GABRB1: variants seen among roughly 807,000 people sequenced by gnomAD.
The protein encoded by GABRB1 is gamma-aminobutyric acid receptor subunit beta-1.
A neutral mutation model predicts 51.6 loss-of-function variants in GABRB1; 17 were observed. The observed-to-expected ratio is 0.33, with a 90% confidence interval of 0.23 to 0.49. The LOEUF is 0.49. Ranked by LOEUF, GABRB1 falls within the 20% of genes least tolerant of loss-of-function variation. The pLI is 0.99. For missense variants in GABRB1, 410 were observed against 600.6 expected (o/e 0.68, Z 3.32); for synonymous variants, 247 against 218.9 (o/e 1.13, Z -1.14).
At chr4:47,112,050 A>T (rs1480868171) in intron 3 of GABRB1, among the ~76,000 whole-genome samples, 1 of 148,990 alleles carries the variant, frequency 6.7e-6, no homozygotes, top group Non-Finnish European at 1.5e-5. Flanking sequence ...GCTCACTGCA[A>T]CCTCCACCTC....
intron 5 of GABRB1, among the ~76,000 whole-genome samples, chr4:47,351,564 C>T (rs1221953554): frequency 8.2e-6 from 1 of 122,130 alleles, no homozygotes; most frequent in Admixed American, 8.6e-5. Flanking sequence ...CCCCCCTCCC[C>T]CCACCCCACA....
chr4:47,051,874 AT>A (rs1224605339), intron 3 of GABRB1, among the ~76,000 whole-genome samples: 9 of 152,140 alleles, frequency 5.9e-5, no homozygotes, highest in African/African-American at 1.9e-4. Context: ...CACGCCCGTA[AT>A]CCCAGCACTT....
chr4:47,295,636 T>C (rs1391961529), intron 4 of GABRB1, among the ~76,000 whole-genome samples: 1 of 152,168 alleles, frequency 6.6e-6, no homozygotes, highest in African/African-American at 2.4e-5. Flanking sequence ...GTCTGACTGG[T>C]GTACCTGAAA....
chr4:47,078,341 A>G (rs1004566486), intron 3 of GABRB1, among the ~76,000 whole-genome samples: 7 of 152,112 alleles, frequency 4.6e-5, no homozygotes, highest in Non-Finnish European at 8.8e-5. Context: ...CTGACTAAGC[A>G]CAGTTATAGG....
chr4:47,128,747 G>A (rs889429831), intron 3 of GABRB1, among the ~76,000 whole-genome samples: 4 of 151,980 alleles, frequency 2.6e-5, no homozygotes, highest in African/African-American at 9.7e-5. Flanking sequence ...TTTATTTTCA[G>A]AGGGAGTAAA....
intron 3 of GABRB1, among the ~76,000 whole-genome samples, chr4:47,137,951 T>C (rs543524203): frequency 7.6e-4 from 116 of 152,256 alleles, no homozygotes; most frequent in African/African-American, 2.7e-3. Context: ...GAAATATTAA[T>C]GTATACCCAT....
intron 3 of GABRB1, among the ~76,000 whole-genome samples, chr4:47,039,593 A>G (rs186940602): frequency 4.1e-4 from 62 of 152,224 alleles, no homozygotes; most frequent in African/African-American, 1.4e-3. Flanking sequence ...ACATGTATGT[A>G]TAGGATCCTA....
intron 5 of GABRB1, among the ~76,000 whole-genome samples, chr4:47,339,541 ATGTGTGTGTG>A (rs34390361): frequency 2.0e-5 from 3 of 148,360 alleles, no homozygotes; most frequent in Non-Finnish European, 3.0e-5. Context: ...ATGTGTGCAT[ATGTGTGTGTG>A]TGTGTGTGTG....
chr4:47,261,725 G>A (rs931406939), intron 4 of GABRB1, among the ~76,000 whole-genome samples: 117 of 152,058 alleles, frequency 7.7e-4, no homozygotes, highest in Non-Finnish European at 1.2e-3. Context: ...AAAAGAGCCC[G>A]CATCACCAAG....
At chr4:47,145,493 A>G (rs965596197) in intron 3 of GABRB1, among the ~76,000 whole-genome samples, 2 of 152,066 alleles carry the variant, frequency 1.3e-5, no homozygotes, top group Non-Finnish European at 2.9e-5. Context: ...TGTGAAGGAC[A>G]CTGATTACAC....
intron 4 of GABRB1, among the ~76,000 whole-genome samples, chr4:47,227,641 T>G (rs1033935059): frequency 1.3e-5 from 2 of 152,140 alleles, no homozygotes; most frequent in Non-Finnish European, 2.9e-5. Flanking sequence ...TACACCCATG[T>G]AGACCAATGG....
At chr4:47,019,625 C>CTCTTTCTTTCTTTCTTTCTTTCTTTCTT (rs1157555893) in intron 1 of GABRB1, among the ~76,000 whole-genome samples, 10 of 91,104 alleles carry the variant, frequency 1.1e-4, no homozygotes, top group Admixed American at 2.7e-4. Flanking sequence ...TTCTTTCTCT[C>CTCTTTCTTTCTTTCTTTCTTTCTTTCTT]TCTTTCTTTC....
At chr4:47,138,916 CCTGA>C (rs1716794395) in intron 3 of GABRB1, among the ~76,000 whole-genome samples, 1 of 151,910 alleles carries the variant, frequency 6.6e-6, no homozygotes, top group Admixed American at 6.6e-5. Flanking sequence ...ATGTTTAAAG[CCTGA>C]CTAATTCACC....
At chr4:47,047,320 A>G (rs1330581795) in intron 3 of GABRB1, among the ~76,000 whole-genome samples, 1 of 152,186 alleles carries the variant, frequency 6.6e-6, no homozygotes. Context: ...AAACACATCT[A>G]CAAAGCAGGT....
chr4:47,267,917 T>C (rs1373964150), intron 4 of GABRB1, among the ~76,000 whole-genome samples: 1 of 152,114 alleles, frequency 6.6e-6, no homozygotes, highest in Non-Finnish European at 1.5e-5. Flanking sequence ...GATCAATAAA[T>C]TAAAAAGATG....
intron 8 of GABRB1, among the ~76,000 whole-genome samples, chr4:47,413,584 T>C: frequency 6.6e-6 from 1 of 152,218 alleles, no homozygotes; most frequent in Admixed American, 6.5e-5. Context: ...TTTTAGATGC[T>C]TGTAAACAGT....
chr4:47,384,734 C>T (rs1004614536), intron 5 of GABRB1, among the ~76,000 whole-genome samples: 18 of 152,250 alleles, frequency 1.2e-4, no homozygotes, highest in Admixed American at 1.0e-3. Context: ...TTTTACTTGT[C>T]CATGATCTTA....
At chr4:47,179,578 T>C (rs149120036) in intron 4 of GABRB1, among the ~76,000 whole-genome samples, 223 of 152,244 alleles carry the variant, frequency 1.5e-3, no homozygotes, top group African/African-American at 5.0e-3. Context: ...AACATATATG[T>C]TTTACTTGCT....
chr4:47,197,312 T>C (rs906480707), intron 4 of GABRB1, among the ~76,000 whole-genome samples: 20 of 152,228 alleles, frequency 1.3e-4, no homozygotes, highest in African/African-American at 4.8e-4. Flanking sequence ...TGGGATTTTA[T>C]TTTTCTGGAT....
Sources: allele counts gnomAD v4.1 joint callset (sites outside exome capture counted in the v4.1 genomes callset), GRCh38; gene constraint gnomAD v4.1.1; transcripts MANE v1.5; gene names NCBI Gene and HGNC (gene_info 2026-07-23, HGNC 2026-07-21).